The following PSPH variants were observed in gnomAD, a reference collection of about 807,000 sequenced individuals.
The protein encoded by PSPH is L-3-phosphoserine phosphatase.
A neutral mutation model predicts 23.4 loss-of-function variants in PSPH; 16 were observed. The ratio of observed to expected loss-of-function variants is 0.68; its 90% CI spans 0.46 to 1.04. PSPH has a LOEUF of 1.04. PSPH is among the 50% of genes least tolerant of loss of function. The pLI is 0.00. For synonymous variants in PSPH, 68 were observed against 99.7 expected, an observed-to-expected ratio of 0.68 and a Z score of 1.89; for missense variants, 223 against 273.7, an observed-to-expected ratio of 0.81 and a Z score of 1.31.
At chr7:56,015,412 G>A (rs1321483539) in intron 6 of PSPH, among the ~76,000 whole-genome samples, 1 of 152,090 alleles carries the variant, frequency 6.6e-6, no homozygotes, top group Non-Finnish European at 1.5e-5. Flanking sequence ...ATGTTGCCCA[G>A]GTTGGTCTGG....
intron 2 of PSPH, among the ~76,000 whole-genome samples, chr7:56,032,256 C>T (rs1791093083): frequency 6.6e-6 from 1 of 152,132 alleles, no homozygotes; most frequent in Non-Finnish European, 1.5e-5. Context: ...TCTATGGCTT[C>T]AATTCTGCAA....
At chr7:56,024,438 TA>T (rs1789899040) in intron 3 of PSPH, among the ~76,000 whole-genome samples, 2 of 152,176 alleles carry the variant, frequency 1.3e-5, no homozygotes. Context: ...TTTTGACATG[TA>T]AAAACTAATG....
rs1243266730 is a variant in PSPH at position 56,017,390 on chromosome 7, A to C, written c.276-11T>G. On this transcript the variant is annotated splice_polypyrimidine_tract_variant and intron_variant, in intron 5 of 7. Coordinates refer to ENST00000275605, the MANE Select transcript of PSPH (RefSeq NM_004577.4). ...CGACTTACCAGCTCCCTGCAAAATA[A>C]AATACAAAATACCCAACACTGAGTA... is the stretch of plus-strand genomic sequence containing the variant. The C allele has an allele frequency of 6.2e-7, 1 of 1,612,454 alleles. No individual in the cohort carries two copies. The highest frequency in any genetic ancestry group is 2.2e-5 in the East Asian group (1 of 44,822).
chr7:56,014,291 C>A (rs2116495808), intron 7 of PSPH, among the ~76,000 whole-genome samples: 1 of 152,250 alleles, frequency 6.6e-6, no homozygotes, highest in East Asian at 1.9e-4. Context: ...ACTTATTGAG[C>A]ACACACCTAG....
chr7:56,015,140 T>G lies in PSPH; in HGVS notation c.453A>C (p.Pro151=). The change falls in exon 7 of 8, where the codon CCA becomes CCC. Residue 151 remains proline (P), a synonymous_variant. Transcript: ENST00000275605. ...GEYAGFDETQ[P]TAESGGKGKV... The stretch of plus-strand genomic sequence containing the variant: ...TTCCTTTTCCACCAGATTCAGCTGT[T>G]GGCTGCGTCTCATCAAAACCTGCAT... The G allele has an allele frequency of 6.2e-7, 1 of 1,614,148 alleles. No individual in the cohort carries two copies. Among genetic ancestry groups the G allele is most frequent in the Non-Finnish European group, 8.5e-7 (1 of 1,180,034 alleles).
At chr7:56,040,246 AG>A (rs942299903) in intron 1 of PSPH, among the ~76,000 whole-genome samples, 3 of 152,200 alleles carry the variant, frequency 2.0e-5, no homozygotes, top group Non-Finnish European at 2.9e-5. Context: ...ACATGAATAA[AG>A]GAAGTTGAAG....
chr7:56,011,484 G>A lies in PSPH; in HGVS notation c.*278C>T, dbSNP rs183424432. ...GCAGAGCTTGCAGTGAGCCGAGACCGCGCCACTGCACTCCAGCCTGGGCAA... is the reference window on the plus strand; with the variant it reads ...GCAGAGCTTGCAGTGAGCCGAGACCACGCCACTGCACTCCAGCCTGGGCAA... On this transcript the variant is annotated 3_prime_UTR_variant, in exon 8 of 8. Coordinates refer to ENST00000275605, the MANE Select transcript of PSPH (RefSeq NM_004577.4). 4.7e-5 allele frequency: 11 copies of A among 236,386 alleles called. No homozygotes were observed. The highest frequency in any genetic ancestry group is 1.2e-4 in the African/African-American group (5 of 42,848). The allele number at this position is 236,386 out of a possible 1,614,324, so 14.6% of individuals were successfully genotyped here.
intron 5 of PSPH, among the ~76,000 whole-genome samples, chr7:56,018,988 T>A (rs55890365): frequency 0.036 from 5,343 of 148,830 alleles, 233 homozygotes; most frequent in African/African-American, 0.1. Flanking sequence ...AATTTTTTTT[T>A]AAAAATTAGC....
At chr7:56,019,544 G>A in intron 5 of PSPH, 56 bp downstream of exon 5, 2 of 1,608,746 alleles carry the variant, frequency 1.2e-6, no homozygotes, top group South Asian at 1.1e-5. Context: ...GCTCTTGGGA[G>A]GATGTGCCCC....
In PSPH at chr7:56,031,550, C is replaced by T. The variant is rs563161888; in HGVS notation, c.-20+379G>A. 2.6e-5 allele frequency among the ~76,000 whole-genome samples: 4 copies of T among 152,258 alleles called. No homozygotes were observed. In the South Asian group the frequency reaches 8.3e-4, roughly 32 times the overall value. ...ACTGCTGGCCGGGTGCAGTGGCTCA[C>T]GCCTGTAATCCCAGTACTTTGGGAG... is the stretch of plus-strand genomic sequence containing the variant. On this transcript the variant is annotated intron_variant, in intron 3 of 7. Coordinates refer to ENST00000275605, the MANE Select transcript of PSPH (RefSeq NM_004577.4).
At chr7:56,039,771 T>C (rs528233855) in intron 1 of PSPH, among the ~76,000 whole-genome samples, 4 of 104,450 alleles carry the variant, frequency 3.8e-5, no homozygotes, top group Admixed American at 2.4e-4. Context: ...AAAGACTCTG[T>C]CTCAAAAAAA....
At chr7:56,043,891 C>A (rs1465365806) in intron 1 of PSPH, among the ~76,000 whole-genome samples, 1 of 152,132 alleles carries the variant, frequency 6.6e-6, no homozygotes, top group African/African-American at 2.4e-5. Flanking sequence ...GCCAAGCCAT[C>A]ATTCACACAC....
rs113196398 is a variant in PSPH, at chr7:56,025,102, C to T, written c.-19-3871G>A. 5.9e-5 allele frequency among the ~76,000 whole-genome samples: 9 copies of T among 152,046 alleles called. 1 individual carries two copies. Among genetic ancestry groups the T allele is most frequent in the East Asian group, 2.0e-4 (1 of 5,112 alleles). On this transcript the variant is annotated intron_variant, in intron 3 of 7. Coordinates refer to ENST00000275605, the MANE Select transcript of PSPH (RefSeq NM_004577.4). ...TACAGGTGTGAGCCACCGTGCCCTA[C>T]CAGAGCCACAGTACCCAGCCATTAA...
At chr7:56,038,313 G>T (rs1792009097) in intron 1 of PSPH, among the ~76,000 whole-genome samples, 1 of 147,410 alleles carries the variant, frequency 6.8e-6, no homozygotes, top group Non-Finnish European at 1.5e-5. Context: ...AAAAAAATTA[G>T]CCGGGCGTAG....
At chr7:56,038,898 CTT>C (rs1352692611) in intron 1 of PSPH, among the ~76,000 whole-genome samples, 1 of 151,988 alleles carries the variant, frequency 6.6e-6, no homozygotes, top group African/African-American at 2.4e-5. Context: ...AATCACAGCA[CTT>C]TGAGAGGCTG....
intron 1 of PSPH, among the ~76,000 whole-genome samples, chr7:56,046,548 G>C (rs1793271756): frequency 6.6e-6 from 1 of 152,126 alleles, no homozygotes; most frequent in Admixed American, 6.6e-5. Flanking sequence ...GACTTTGGGA[G>C]GCCGAGGGGG....
At chr7:56,050,041 A>G (rs575520913) in intron 1 of PSPH, among the ~76,000 whole-genome samples, 56 of 152,024 alleles carry the variant, frequency 3.7e-4, no homozygotes, top group Non-Finnish European at 7.2e-4. Flanking sequence ...TGGCCTCCTC[A>G]TAACATTTTT....
rs1410083988 is a variant in PSPH, at chr7:56,019,713, C to T, written c.162G>A (p.Gly54=). The T allele has an allele frequency of 6.2e-7, 1 of 1,613,736 alleles. No individual in the cohort carries two copies. The highest frequency in any genetic ancestry group is 1.1e-5 in the South Asian group (1 of 91,070). Residue 54 remains glycine (G), a synonymous_variant, in exon 5 of 8, where the codon GGG becomes GGA. Transcript: ENST00000275605. ...TGAGAGCAGCTTTGAAAGGCACTGCCCCGCCCATGGCTCGCCGTGTCCTAG... is the reference window on the plus strand; with the variant it reads ...TGAGAGCAGCTTTGAAAGGCACTGCTCCGCCCATGGCTCGCCGTGTCCTAG... ...VSEMTRRAMG[G]AVPFKAALTE... is the part of the protein sequence containing the mutation.
chr7:56,046,175 C>T lies in PSPH; in HGVS notation c.-292+4963G>A, dbSNP rs192748979. Reference sequence around the variant, plus strand: ...TTTTTAGAGATAAAGTTTCACTCGTCGCCCAGGCTGGAGTGCAATGGCGCT... The same window carrying T: ...TTTTTAGAGATAAAGTTTCACTCGTTGCCCAGGCTGGAGTGCAATGGCGCT... On this transcript the variant is annotated intron_variant, in intron 1 of 7. Transcript: ENST00000275605. Among the ~76,000 whole-genome samples the T allele has an allele frequency of 1.4e-4, 21 of 152,094 alleles. 1 individual carries two copies. In the East Asian group the frequency reaches 3.3e-3, roughly 24 times the overall value.
Sources: allele counts gnomAD v4.1 joint callset (sites outside exome capture counted in the v4.1 genomes callset), GRCh38; gene constraint gnomAD v4.1.1; transcripts MANE v1.5; gene names NCBI Gene and HGNC (gene_info 2026-07-23, HGNC 2026-07-21).